GULP1: variants seen among roughly 807,000 people sequenced by gnomAD.
The protein encoded by GULP1 is PTB domain-containing engulfment adapter protein 1.
GULP1 carries 19 observed loss-of-function variants against 40.9 expected under a neutral mutation model. That is an observed-to-expected ratio of 0.46 (90% CI 0.32 to 0.68). The LOEUF (loss-of-function observed/expected upper bound fraction) is 0.68, where lower values mean the gene tolerates loss of function less well. Ranked by LOEUF, GULP1 falls within the 30% of genes least tolerant of loss-of-function variation. The pLI is 0.03. For synonymous variants in GULP1, 119 were observed against 117.6 expected (o/e 1.01, Z -0.08); for missense variants, 312 against 362.2 (o/e 0.86, Z 1.12).
At chr2:188,521,364 G>A (rs1301154250) in intron 4 of GULP1, among the ~76,000 whole-genome samples, 6 of 152,004 alleles carry the variant, frequency 3.9e-5, no homozygotes, top group Non-Finnish European at 8.8e-5. Flanking sequence ...GGATTGGTCA[G>A]GTTTTACTTA....
intron 1 of GULP1, among the ~76,000 whole-genome samples, chr2:188,304,370 T>C (rs1345788969): frequency 6.6e-6 from 1 of 152,176 alleles, no homozygotes; most frequent in Non-Finnish European, 1.5e-5. Context: ...AAAATGGATT[T>C]TTCGAACCAG....
chr2:188,569,879 A>G, intron 8 of GULP1, 149 bp from the exon 9 acceptor site: 1 of 521,462 alleles, frequency 1.9e-6, no homozygotes, highest in Non-Finnish European at 3.4e-6. Context: ...ATCCTCCAGC[A>G]TTTCCCAAGC....
At chr2:188,506,970 T>C (rs2063979454) in intron 4 of GULP1, among the ~76,000 whole-genome samples, 1 of 151,992 alleles carries the variant, frequency 6.6e-6, no homozygotes, top group African/African-American at 2.4e-5. Context: ...AAGCACTTTC[T>C]GTGGAGTGGC....
At chr2:188,313,222 A>G (rs182931202) in intron 1 of GULP1, among the ~76,000 whole-genome samples, 1 of 152,262 alleles carries the variant, frequency 6.6e-6, no homozygotes, top group Non-Finnish European at 1.5e-5. Context: ...GGTATTTCCC[A>G]GGTTTTCTCC....
intron 7 of GULP1, among the ~76,000 whole-genome samples, chr2:188,546,751 A>C (rs1001027287): frequency 6.6e-6 from 1 of 152,040 alleles, no homozygotes; most frequent in Non-Finnish European, 1.5e-5. Flanking sequence ...CAGAAAATCA[A>C]TGAAGCAAAG....
At chr2:188,548,635 A>G (rs1353953420) in intron 7 of GULP1, among the ~76,000 whole-genome samples, 1 of 152,060 alleles carries the variant, frequency 6.6e-6, no homozygotes, top group African/African-American at 2.4e-5. Flanking sequence ...TTTCAAAAAA[A>G]GAGCAGTGAA....
intron 1 of GULP1, among the ~76,000 whole-genome samples, chr2:188,322,231 A>G (rs2040091774): frequency 1.3e-5 from 2 of 152,042 alleles, no homozygotes; most frequent in South Asian, 4.1e-4. Context: ...AATTGTATAC[A>G]CAGTGTTCTC....
chr2:188,522,959 A>G, intron 5 of GULP1, 132 bp downstream of exon 5: 1 of 564,680 alleles, frequency 1.8e-6, no homozygotes, highest in Admixed American at 2.7e-5. Context: ...ACTATTGAAC[A>G]AATGTAATCA....
chr2:188,521,095 G>A (rs556053113), intron 4 of GULP1, among the ~76,000 whole-genome samples: 12 of 151,692 alleles, frequency 7.9e-5, no homozygotes, highest in African/African-American at 2.2e-4. Context: ...TGATTAATTC[G>A]TGAATCTCTT....
At chr2:188,408,770 A>G (rs896447235) in intron 2 of GULP1, among the ~76,000 whole-genome samples, 4 of 152,234 alleles carry the variant, frequency 2.6e-5, no homozygotes, top group African/African-American at 9.6e-5. Flanking sequence ...ATCTTAGATG[A>G]TGATACAAGT....
rs561710441 is a variant in GULP1, at chr2:188,489,426, G to C, written c.90+5934G>C. On this transcript the variant is annotated intron_variant, in intron 4 of 11. Transcript: ENST00000409830. ...ATCCATATCATTTATCCGAAAATGA[G>C]TCTTTAATTTCAAAGCATAGGAACC... 3.1e-4 allele frequency among the ~76,000 whole-genome samples: 47 copies of C among 152,062 alleles called. No homozygotes were observed. In the South Asian group the frequency reaches 9.8e-3, roughly 32 times the overall value.
At chr2:188,450,602 G>T (rs772883020) in intron 2 of GULP1, among the ~76,000 whole-genome samples, 4 of 151,644 alleles carry the variant, frequency 2.6e-5, no homozygotes, top group Non-Finnish European at 5.9e-5. Context: ...TGCTAAAGTG[G>T]GTGCACTCAG....
intron 3 of GULP1, among the ~76,000 whole-genome samples, chr2:188,482,194 A>G (rs2061494423): frequency 6.6e-6 from 1 of 151,990 alleles, no homozygotes; most frequent in African/African-American, 2.4e-5. Flanking sequence ...CAAATTTAAT[A>G]TGAATACAGT....
chr2:188,496,448 T>A lies in GULP1; in HGVS notation c.90+12956T>A, dbSNP rs2062904073. On this transcript the variant is annotated intron_variant, in intron 4 of 11. Coordinates refer to ENST00000409830, the MANE Select transcript of GULP1 (RefSeq NM_016315.4). The stretch of plus-strand genomic sequence containing the variant: ...CAAGCTTTACCAGGAAATAACCTAT[T>A]TTTATTTGCAGATATTCAAACTAAA... Among the ~76,000 whole-genome samples, 3 of 151,990 alleles carry A rather than the reference T, an allele frequency of 2.0e-5. No homozygotes were observed. The South Asian group carries it at 6.2e-4, about 31-fold the overall frequency.
intron 1 of GULP1, among the ~76,000 whole-genome samples, chr2:188,330,887 A>C (rs2041478618): frequency 6.6e-6 from 1 of 151,902 alleles, no homozygotes; most frequent in African/African-American, 2.4e-5. Context: ...TGGGTCCTTC[A>C]CTCTGTTTCA....
intron 11 of GULP1, chr2:188,593,051 C>G (rs1263325744): frequency 6.6e-6 from 1 of 152,006 alleles, no homozygotes; most frequent in Non-Finnish European, 1.5e-5. Context: ...ACCACATTTG[C>G]TTCTACAAGG....
At chr2:188,358,045 G>C (rs548937960) in intron 1 of GULP1, among the ~76,000 whole-genome samples, 5 of 152,240 alleles carry the variant, frequency 3.3e-5, no homozygotes, top group African/African-American at 1.2e-4. Flanking sequence ...GTGGGGTGTG[G>C]TGGCACACGC....
At chr2:188,313,630 GT>G (rs5837086) in intron 1 of GULP1, among the ~76,000 whole-genome samples, 1 of 151,934 alleles carries the variant, frequency 6.6e-6, no homozygotes, top group African/African-American at 2.4e-5. Context: ...ATTTAAAGTA[GT>G]TTTTTCTAAT....
chr2:188,569,469 T>C (rs2153431194), intron 8 of GULP1, 114 bp downstream of exon 8: 7 of 732,176 alleles, frequency 9.6e-6, no homozygotes, highest in South Asian at 4.4e-5. Flanking sequence ...CACTGACTGA[T>C]TGGAACTGCT....
Sources: gnomAD v4.1 joint callset for allele counts (sites outside exome capture counted in the v4.1 genomes callset) on GRCh38, gnomAD v4.1.1 for gene constraint, MANE v1.5 for transcripts, NCBI Gene and HGNC (gene_info 2026-07-23, HGNC 2026-07-21) for gene names.